B3GALT1: variants seen among roughly 807,000 people sequenced by gnomAD.
B3GALT1 encodes UDP-Gal:betaGlcNAc beta 1,3-galactosyltransferase, polypeptide 1.
Under a neutral mutation model 23.2 loss-of-function variants are expected in B3GALT1, and 10 were observed. The ratio of observed to expected loss-of-function variants is 0.43; its 90% CI spans 0.27 to 0.73. The LOEUF is 0.73. Ranked by LOEUF, B3GALT1 falls within the 30% of genes least tolerant of loss-of-function variation. The pLI, the probability that B3GALT1 is intolerant of heterozygous loss-of-function variation, is 0.21. For missense variants in B3GALT1, 299 were observed against 405.4 expected, an observed-to-expected ratio of 0.74 and a Z score of 2.25; for synonymous variants, 156 against 141.5, an observed-to-expected ratio of 1.10 and a Z score of -0.73.
chr2:167,608,366 C>T (rs1306642449), intron 2 of B3GALT1, among the ~76,000 whole-genome samples: 1 of 152,076 alleles, frequency 6.6e-6, no homozygotes, highest in Admixed American at 6.5e-5. Context: ...TATAGCATAA[C>T]TTAGTATTTG....
chr2:167,759,282 T>C (rs1687864968), intron 3 of B3GALT1, among the ~76,000 whole-genome samples: 1 of 152,182 alleles, frequency 6.6e-6, no homozygotes, highest in African/African-American at 2.4e-5. Context: ...TACTTGATCT[T>C]AACTTGCCTA....
At position 167,403,532 on chromosome 2, in the gene B3GALT1, G is replaced by A. The variant is rs528451890; in HGVS notation, c.-510-86645G>A. On this transcript the variant is annotated intron_variant, in intron 1 of 4. Transcript: ENST00000392690. ...AAAAAAAGACTCAGAGTTTTGGTTTGTACAGATATGGTTTTGGTTGACTTA... is the reference window on the plus strand; with the variant it reads ...AAAAAAAGACTCAGAGTTTTGGTTTATACAGATATGGTTTTGGTTGACTTA... Among the ~76,000 whole-genome samples, 4 of 151,988 alleles carry A rather than the reference G, an allele frequency of 2.6e-5. No homozygotes were observed. In the East Asian group the frequency reaches 7.8e-4, roughly 29 times the overall value.
At chr2:167,762,752 G>A (rs1227541967) in intron 3 of B3GALT1, among the ~76,000 whole-genome samples, 1 of 152,160 alleles carries the variant, frequency 6.6e-6, no homozygotes, top group Non-Finnish European at 1.5e-5. Flanking sequence ...TTTCCTGAGA[G>A]GCTGGAGAGG....
intron 3 of B3GALT1, among the ~76,000 whole-genome samples, chr2:167,716,601 CAT>C (rs1170343448): frequency 3.1e-4 from 47 of 152,206 alleles, no homozygotes; most frequent in African/African-American, 1.1e-3. Context: ...ACACAAGAAA[CAT>C]ATAAGAAAGG....
At chr2:167,790,213 T>C (rs1039336318) in intron 3 of B3GALT1, among the ~76,000 whole-genome samples, 7 of 152,170 alleles carry the variant, frequency 4.6e-5, no homozygotes, top group Non-Finnish European at 5.9e-5. Flanking sequence ...AGCCCCGCTT[T>C]TGAGAAATAT....
intron 1 of B3GALT1, among the ~76,000 whole-genome samples, chr2:167,338,093 A>T (rs12613845): frequency 0.016 from 2,494 of 152,278 alleles, 57 homozygotes; most frequent in East Asian, 0.083. Flanking sequence ...TTCCAAGATA[A>T]TTTTTAAGGA....
rs372869448 is a variant in B3GALT1 at position 167,743,454 on chromosome 2, A to G, written c.-351-75218A>G. 7.2e-5 allele frequency among the ~76,000 whole-genome samples: 11 copies of G among 152,228 alleles called. 1 individual carries two copies. In the South Asian group the frequency reaches 2.1e-3, roughly 29 times the overall value. ...ATTTATCATTGTAGTATTAATTTCT[A>G]TATCTCCAATTACTAATGAAATTTT... On this transcript the variant is annotated intron_variant, in intron 3 of 4. Transcript: ENST00000392690.
At chr2:167,391,231 G>A (rs1176278780) in intron 1 of B3GALT1, among the ~76,000 whole-genome samples, 1 of 152,170 alleles carries the variant, frequency 6.6e-6, no homozygotes, top group Non-Finnish European at 1.5e-5. Flanking sequence ...GCAGGTGAGT[G>A]ATGAACTGGA....
intron 3 of B3GALT1, among the ~76,000 whole-genome samples, chr2:167,742,494 A>G (rs1687590473): frequency 6.6e-6 from 1 of 152,196 alleles, no homozygotes; most frequent in African/African-American, 2.4e-5. Flanking sequence ...AAAAATGTGT[A>G]TTCAGTAAAG....
chr2:167,362,136 T>C (rs1281143473), intron 1 of B3GALT1, among the ~76,000 whole-genome samples: 1 of 148,010 alleles, frequency 6.8e-6, no homozygotes, highest in Non-Finnish European at 1.5e-5. Flanking sequence ...GTAGCAGAGA[T>C]TTTTTTTTTT....
chr2:167,812,581 C>T (rs555697276), intron 3 of B3GALT1, among the ~76,000 whole-genome samples: 2 of 152,256 alleles, frequency 1.3e-5, no homozygotes, highest in South Asian at 4.1e-4. Context: ...TTTTAAAAGG[C>T]TCATGGTATA....
chr2:167,495,699 C>T (rs1009017430), intron 2 of B3GALT1, among the ~76,000 whole-genome samples: 4 of 152,072 alleles, frequency 2.6e-5, no homozygotes, highest in Admixed American at 6.5e-5. Context: ...CAGATCTGTT[C>T]CTAGGCTTTT....
At position 167,407,290 on chromosome 2, in the gene B3GALT1, CAA is replaced by C. The variant is rs137892993; in HGVS notation, c.-510-82885_-510-82884del. Among the ~76,000 whole-genome samples, 770 of 151,984 alleles carry C rather than the reference CAA, an allele frequency of 5.1e-3. 7 individuals are homozygous for C. Among genetic ancestry groups the C allele is most frequent in the African/African-American group, 0.018 (736 of 41,466 alleles). On this transcript the variant is annotated intron_variant, in intron 1 of 4. Transcript: ENST00000392690. ...GAAGGAAATTAAAAAATTATTGAAA[CAA>C]ATGAAAATGGAAATACAACATACTA... is the stretch of plus-strand genomic sequence containing the variant.
intron 2 of B3GALT1, among the ~76,000 whole-genome samples, chr2:167,527,283 A>G (rs1286745475): frequency 2.0e-5 from 3 of 152,066 alleles, no homozygotes; most frequent in Non-Finnish European, 2.9e-5. Context: ...CACTCTCTCA[A>G]TATTATGAAC....
chr2:167,393,051 G>A (rs530373689), intron 1 of B3GALT1, among the ~76,000 whole-genome samples: 27 of 152,102 alleles, frequency 1.8e-4, no homozygotes, highest in African/African-American at 5.3e-4. Flanking sequence ...TGGCTAACAC[G>A]GTGAAACCCC....
chr2:167,370,141 C>T (rs1353665840), intron 1 of B3GALT1, among the ~76,000 whole-genome samples: 10 of 152,188 alleles, frequency 6.6e-5, no homozygotes, highest in Admixed American at 2.0e-4. Flanking sequence ...AGTGTATTCT[C>T]ATTGCTTGTA....
intron 2 of B3GALT1, among the ~76,000 whole-genome samples, chr2:167,567,548 G>T (rs1227140): frequency 6.6e-6 from 1 of 151,866 alleles, no homozygotes; most frequent in East Asian, 1.9e-4. Context: ...GTTTTATTGT[G>T]GTGTTCTTTG....
intron 3 of B3GALT1, among the ~76,000 whole-genome samples, chr2:167,699,078 C>T (rs989148839): frequency 6.6e-6 from 1 of 152,006 alleles, no homozygotes; most frequent in African/African-American, 2.4e-5. Context: ...TCTAAAGAAC[C>T]CATCAGGAGC....
chr2:167,456,269 A>C (rs1456540123), intron 1 of B3GALT1, among the ~76,000 whole-genome samples: 1 of 152,090 alleles, frequency 6.6e-6, no homozygotes, highest in Non-Finnish European at 1.5e-5. Flanking sequence ...TCTTTTAAAC[A>C]ATCAGTTTTT....
Sources: gnomAD v4.1 joint callset for allele counts (sites outside exome capture counted in the v4.1 genomes callset) on GRCh38, gnomAD v4.1.1 for gene constraint, MANE v1.5 for transcripts, NCBI Gene and HGNC (gene_info 2026-07-23, HGNC 2026-07-21) for gene names.